Variants in CSMD3 observed in about 807,000 individuals in gnomAD.
CSMD3 encodes the protein CUB and Sushi multiple domains 3.
CSMD3 carries 177 observed loss-of-function variants against 435.2 expected under a neutral mutation model. The ratio of observed to expected loss-of-function variants is 0.41; its 90% CI spans 0.36 to 0.46. The LOEUF is 0.46. Among genes scored for constraint, CSMD3 ranks in the 20% least tolerant of loss-of-function variants. CSMD3 has a pLI of 0.34. For synonymous variants in CSMD3, 1,656 were observed against 1,520.5 expected (o/e 1.09, Z -2.07); for missense variants, 4,265 against 4,504.6 (o/e 0.95, Z 1.52).
At chr8:113,070,476 C>A (rs1439602825) in intron 5 of CSMD3, among the ~76,000 whole-genome samples, 3 of 151,912 alleles carry the variant, frequency 2.0e-5, no homozygotes, top group African/African-American at 7.2e-5. Flanking sequence ...TAAGATCTAT[C>A]ATCTTAGCAA....
intron 44 of CSMD3, among the ~76,000 whole-genome samples, chr8:112,336,206 G>C (rs1374543725): frequency 6.6e-6 from 1 of 151,960 alleles, no homozygotes; most frequent in Non-Finnish European, 1.5e-5. Context: ...CACTGCACCT[G>C]GCCTTAATAT....
chr8:113,318,783 A>G (rs1032549892), intron 1 of CSMD3, among the ~76,000 whole-genome samples: 2 of 65,208 alleles, frequency 3.1e-5, no homozygotes, highest in African/African-American at 5.8e-5. Flanking sequence ...AAGGCTGAAT[A>G]AGATGTGTGT....
At chr8:113,329,387 T>A (rs1039621057) in intron 1 of CSMD3, among the ~76,000 whole-genome samples, 1 of 152,038 alleles carries the variant, frequency 6.6e-6, no homozygotes, top group Non-Finnish European at 1.5e-5. Context: ...GCAAGAAATT[T>A]GAAGTTCATG....
chr8:112,616,551 A>C (rs1833678198), intron 22 of CSMD3, among the ~76,000 whole-genome samples: 1 of 152,108 alleles, frequency 6.6e-6, no homozygotes, highest in African/African-American at 2.4e-5. Context: ...TGTCTAATCC[A>C]ACCACAAGGG....
chr8:113,335,480 T>C (rs1296357008), intron 1 of CSMD3, among the ~76,000 whole-genome samples: 1 of 150,866 alleles, frequency 6.6e-6, no homozygotes, highest in Non-Finnish European at 1.5e-5. Context: ...TTTCAGATGT[T>C]CAGCTCTTTT....
intron 12 of CSMD3, among the ~76,000 whole-genome samples, chr8:112,805,263 A>T (rs2079057550): frequency 6.6e-6 from 1 of 152,154 alleles, no homozygotes; most frequent in Non-Finnish European, 1.5e-5. Flanking sequence ...CTTCTGAAAG[A>T]AAAGGGGTAT....
intron 24 of CSMD3, among the ~76,000 whole-genome samples, chr8:112,565,500 T>C (rs923876197): frequency 6.6e-6 from 1 of 152,106 alleles, no homozygotes; most frequent in African/African-American, 2.4e-5. Context: ...AATTTGAATA[T>C]AAAATTTGAA....
chr8:112,700,370 AG>A (rs781434185), intron 13 of CSMD3, among the ~76,000 whole-genome samples: 1 of 151,982 alleles, frequency 6.6e-6, no homozygotes, highest in African/African-American at 2.4e-5. Context: ...GCATGGTGGC[AG>A]GTGCCTGTAA....
At position 112,622,099 on chromosome 8, in the gene CSMD3, G is replaced by A. The variant is rs772271959; in HGVS notation, c.3715+14718C>T. On this transcript the variant is annotated intron_variant, in intron 22 of 70. Transcript: ENST00000297405. ...TCCGATTGGGAAACCAAATATTTGC[G>A]TCTGAATTGAAGATGTCTTAATTTA... is the stretch of plus-strand genomic sequence containing the variant. Among the ~76,000 whole-genome samples the A allele has an allele frequency of 7.2e-5, 11 of 152,256 alleles. No homozygotes were observed. The East Asian group carries it at 7.7e-4, about 11-fold the overall frequency.
intron 16 of CSMD3, among the ~76,000 whole-genome samples, chr8:112,673,013 T>C (rs368606275): frequency 6.6e-6 from 1 of 152,116 alleles, no homozygotes; most frequent in Non-Finnish European, 1.5e-5. Flanking sequence ...GACCATGGGC[T>C]AAGCTAGGTT....
chr8:113,172,822 A>C (rs1036799178), intron 4 of CSMD3, among the ~76,000 whole-genome samples: 2 of 152,216 alleles, frequency 1.3e-5, no homozygotes, highest in African/African-American at 4.8e-5. Context: ...ATGCTTACTA[A>C]GGAAAAAAAG....
chr8:112,357,650 T>C (rs10113376), intron 38 of CSMD3, among the ~76,000 whole-genome samples: 6,152 of 152,246 alleles, frequency 0.04, 144 homozygotes, highest in African/African-American at 0.047. Context: ...GTGTGCAGCC[T>C]AGGGACTTGA....
At chr8:113,388,948 T>C (rs561799837) in intron 1 of CSMD3, among the ~76,000 whole-genome samples, 7 of 151,570 alleles carry the variant, frequency 4.6e-5, no homozygotes, top group Non-Finnish European at 7.4e-5. Flanking sequence ...AGTTTTTGAG[T>C]TACAGATGCT....
intron 15 of CSMD3, 97 bp downstream of exon 15, chr8:112,685,309 T>G (rs2075985737): frequency 3.1e-6 from 3 of 977,596 alleles, no homozygotes; most frequent in Admixed American, 4.6e-5. Flanking sequence ...ACAAATTTTC[T>G]TAACTAGGAA....
At chr8:112,391,233 A>G (rs1220918608) in intron 35 of CSMD3, among the ~76,000 whole-genome samples, 1 of 152,180 alleles carries the variant, frequency 6.6e-6, no homozygotes, top group Non-Finnish European at 1.5e-5. Context: ...TATGATCATA[A>G]CATTTATATA....
At chr8:112,404,294 C>G (rs1831579480) in intron 35 of CSMD3, among the ~76,000 whole-genome samples, 1 of 152,136 alleles carries the variant, frequency 6.6e-6, no homozygotes, top group Non-Finnish European at 1.5e-5. Context: ...CTTTGGGAGG[C>G]CGAGGCGGGT....
chr8:113,225,773 C>A lies in CSMD3; in HGVS notation c.515-51857G>T, dbSNP rs556881583. 3.3e-5 allele frequency among the ~76,000 whole-genome samples: 5 copies of A among 151,530 alleles called. No homozygotes were observed. The South Asian group carries it at 8.3e-4, about 25-fold the overall frequency. On this transcript the variant is annotated intron_variant, in intron 3 of 70. Coordinates refer to ENST00000297405, the MANE Select transcript of CSMD3 (RefSeq NM_198123.2). Reference sequence around the variant, plus strand: ...GAGTTAGAGCTGTACCTGCGAGTCTCCAGAGAATTTCTTTCTTTAATCAGG... The same window carrying A: ...GAGTTAGAGCTGTACCTGCGAGTCTACAGAGAATTTCTTTCTTTAATCAGG...
chr8:112,857,649 G>T (rs890253115), intron 11 of CSMD3, among the ~76,000 whole-genome samples: 3 of 151,654 alleles, frequency 2.0e-5, no homozygotes, highest in African/African-American at 7.3e-5. Context: ...TCTGACCTTT[G>T]CTAACTATGT....
intron 13 of CSMD3, among the ~76,000 whole-genome samples, chr8:112,708,850 G>T (rs2131908101): frequency 6.6e-6 from 1 of 151,994 alleles, no homozygotes; most frequent in Non-Finnish European, 1.5e-5. Context: ...TCCAACTTAG[G>T]ATCAATCAAG....
Sources: gnomAD v4.1 joint callset for allele counts (sites outside exome capture counted in the v4.1 genomes callset) on GRCh38, gnomAD v4.1.1 for gene constraint, MANE v1.5 for transcripts, NCBI Gene and HGNC (gene_info 2026-07-23, HGNC 2026-07-21) for gene names.